ALG14: variants seen among roughly 807,000 people sequenced by gnomAD.
ALG14 encodes UDP-N-acetylglucosamine transferase subunit ALG14.
A neutral mutation model predicts 22.8 loss-of-function variants in ALG14; 17 were observed. The observed-to-expected ratio is 0.75, with a 90% CI of 0.51 to 1.12. The LOEUF (loss-of-function observed/expected upper bound fraction) is 1.12. Among genes scored for constraint, ALG14 ranks in the 50% most tolerant of loss-of-function variants. The probability of loss-of-function intolerance (pLI) is 0.00; values close to 1 mark genes in which losing one functional copy is unlikely to be tolerated. For synonymous variants in ALG14, 89 were observed against 103.7 expected (o/e 0.86, Z 0.86); for missense variants, 288 against 271.8 (o/e 1.06, Z -0.42).
chr1:95,064,916 T>G lies in ALG14; in HGVS notation c.238A>C (p.Lys80Gln), dbSNP rs760459819. 1 of 1,614,088 alleles carries G rather than the reference T, an allele frequency of 6.2e-7. No individual in the cohort carries two copies. The highest frequency in any genetic ancestry group is 8.5e-7 in the Non-Finnish European group (1 of 1,179,942). The change falls in exon 2 of 4, where the codon AAA (lysine) becomes CAA (glutamine). Residue 80 changes from lysine to glutamine, a missense_variant. Lys to Gln is a moderately conservative substitution (Grantham distance 53). Transcript: ENST00000370205. ...IADTDEMSAN[K>Q]INSFELDRAD... ...CGATCTAGTTCAAAAGAATTTATTT[T>G]ATTGGCACTCATTTCATCAGTGTCA... is the stretch of plus-strand genomic sequence containing the variant.
chr1:95,064,177 T>C (rs150007822), intron 2 of ALG14, among the ~76,000 whole-genome samples: 2,534 of 152,288 alleles, frequency 0.017, 70 homozygotes, highest in Non-Finnish European at 0.016. Context: ...AAGAAGTTTT[T>C]GGGCTGAGAC....
At chr1:95,032,035 C>T (rs544505803) in intron 2 of ALG14, among the ~76,000 whole-genome samples, 21 of 152,228 alleles carry the variant, frequency 1.4e-4, no homozygotes, top group Admixed American at 4.6e-4. Flanking sequence ...TCTCCAACTC[C>T]GGACCTCAGG....
intron 2 of ALG14, among the ~76,000 whole-genome samples, chr1:95,052,154 C>A (rs1181821980): frequency 1.3e-5 from 2 of 151,990 alleles, no homozygotes; most frequent in East Asian, 3.8e-4. Context: ...TTCAGGTAAA[C>A]AAACAAAAAC....
chr1:95,039,159 G>T (rs1418322914), intron 2 of ALG14, among the ~76,000 whole-genome samples: 1 of 152,200 alleles, frequency 6.6e-6, no homozygotes. Context: ...GAAGCAGCGT[G>T]TTCAGAGCTG....
chr1:95,064,834 T>C (rs1432431800), intron 2 of ALG14, 32 bp downstream of exon 2: 2 of 1,594,546 alleles, frequency 1.3e-6, no homozygotes, highest in Admixed American at 3.4e-5. Flanking sequence ...GTGCAACTTG[T>C]AATTTTCTTA....
At chr1:95,046,465 A>C (rs960922473) in intron 2 of ALG14, among the ~76,000 whole-genome samples, 13 of 152,230 alleles carry the variant, frequency 8.5e-5, no homozygotes, top group Non-Finnish European at 4.4e-5. Flanking sequence ...CTGAGGTGAA[A>C]CAGTTTCATC....
At chr1:94,996,731 G>A (rs762637599) in intron 3 of ALG14, among the ~76,000 whole-genome samples, 11 of 152,010 alleles carry the variant, frequency 7.2e-5, no homozygotes, top group Non-Finnish European at 1.6e-4. Context: ...ACCCAGGCTG[G>A]AATGCAGTGG....
intron 2 of ALG14, among the ~76,000 whole-genome samples, chr1:95,039,691 C>T (rs1214194139): frequency 6.6e-6 from 1 of 152,082 alleles, no homozygotes; most frequent in Non-Finnish European, 1.5e-5. Context: ...ATGGGACAGA[C>T]AGGAGTTTGT....
rs886198151 is a variant in ALG14 at position 94,976,825 on chromosome 1, C to T, written c.*6251G>A. The T allele has an allele frequency of 1.3e-5, 2 of 152,072 alleles. No individual in the cohort carries two copies. The highest frequency in any genetic ancestry group is 2.9e-5 in the Non-Finnish European group (2 of 68,022). The allele number at this position is 152,072 out of a possible 1,614,324, so 9.4% of individuals were successfully genotyped here. ...CATTCCTCTGATTATGTTACATTAA[C>T]ATGGCAAAAGGGACGTAATTATGAT... On this transcript the variant is annotated 3_prime_UTR_variant, in exon 4 of 4. Transcript: ENST00000370205.
At chr1:94,998,214 C>T (rs1440380786) in intron 3 of ALG14, among the ~76,000 whole-genome samples, 2 of 152,184 alleles carry the variant, frequency 1.3e-5, no homozygotes, top group African/African-American at 4.8e-5. Flanking sequence ...ACCGCACTTC[C>T]TGAGTCTGAC....
At chr1:95,031,371 G>A (rs1673995657) in intron 2 of ALG14, among the ~76,000 whole-genome samples, 1 of 152,166 alleles carries the variant, frequency 6.6e-6, no homozygotes, top group Admixed American at 6.5e-5. Flanking sequence ...AAGCCAAGGT[G>A]GAAGCCCTAA....
At chr1:95,036,719 G>A (rs1004482232) in intron 2 of ALG14, among the ~76,000 whole-genome samples, 13 of 152,128 alleles carry the variant, frequency 8.5e-5, no homozygotes, top group South Asian at 2.1e-4. Context: ...GAGCCACCGC[G>A]CCTGGCCCAA....
At position 94,982,929 on chromosome 1, in the gene ALG14, G is replaced by A. The variant is rs1463142662; in HGVS notation, c.*147C>T. 4 of 652,460 alleles carry A rather than the reference G, an allele frequency of 6.1e-6. No homozygotes were observed. In the East Asian group the frequency reaches 8.2e-5, roughly 13 times the overall value. The allele number at this position is 652,460 out of a possible 1,614,324, so 40.4% of individuals were successfully genotyped here. A position where few individuals can be genotyped will look rare whatever the true frequency, so the allele number is the denominator to read the frequency against. The stretch of plus-strand genomic sequence containing the variant: ...AGAGAAGCCTCAGTTTCTTCACTGA[G>A]TCATCTGTACATTTTTTATTCCTTA... On this transcript the variant is annotated 3_prime_UTR_variant, in exon 4 of 4. Coordinates refer to ENST00000370205, the MANE Select transcript of ALG14 (RefSeq NM_144988.4).
chr1:95,064,800 T>C, intron 2 of ALG14, 66 bp downstream of exon 2: 1 of 1,500,906 alleles, frequency 6.7e-7, no homozygotes, highest in Non-Finnish European at 9.1e-7. Flanking sequence ...CATGAGATTA[T>C]TACTAGAGAC....
intron 3 of ALG14, among the ~76,000 whole-genome samples, chr1:95,011,210 G>A (rs965387676): frequency 6.6e-6 from 1 of 152,144 alleles, no homozygotes; most frequent in African/African-American, 2.4e-5. Flanking sequence ...GCTTTTGGGA[G>A]ATGATTAGGT....
intron 2 of ALG14, among the ~76,000 whole-genome samples, chr1:95,052,001 T>C (rs1266200264): frequency 1.3e-5 from 2 of 152,208 alleles, no homozygotes; most frequent in Non-Finnish European, 2.9e-5. Context: ...AGGGCAGAGA[T>C]TTTTCTGTTT....
At chr1:95,005,695 A>G (rs1673199496) in intron 3 of ALG14, among the ~76,000 whole-genome samples, 1 of 152,174 alleles carries the variant, frequency 6.6e-6, no homozygotes, top group Non-Finnish European at 1.5e-5. Context: ...ACAAAACTGG[A>G]CCCCGTCCTC....
At chr1:95,067,685 T>C (rs1675421708) in intron 1 of ALG14, 1 of 152,206 alleles carries the variant, frequency 6.6e-6, no homozygotes, top group African/African-American at 2.4e-5. Context: ...CAGGCCACTA[T>C]CACCTCTCAT....
intron 3 of ALG14, among the ~76,000 whole-genome samples, chr1:94,984,012 G>C (rs577783524): frequency 6.6e-6 from 1 of 151,912 alleles, no homozygotes; most frequent in South Asian, 2.1e-4. Context: ...CCAAAGTGCT[G>C]GGATTACAGG....
Sources: gnomAD v4.1 joint callset for allele counts (sites outside exome capture counted in the v4.1 genomes callset) on GRCh38, gnomAD v4.1.1 for gene constraint, MANE v1.5 for transcripts, NCBI Gene and HGNC (gene_info 2026-07-23, HGNC 2026-07-21) for gene names.